Variants in CNTNAP2 observed in about 807,000 individuals in gnomAD.
The protein encoded by CNTNAP2 is contactin-associated protein-like 2.
A neutral mutation model predicts 155.2 loss-of-function variants in CNTNAP2; 98 were observed. That is an observed-to-expected ratio of 0.63 (90% CI 0.54 to 0.75). The LOEUF is 0.75. Ranked by LOEUF, CNTNAP2 falls within the 30% of genes least tolerant of loss-of-function variation. The pLI is 0.00. For synonymous variants in CNTNAP2, 651 were observed against 631.2 expected, an observed-to-expected ratio of 1.03 and a Z score of -0.47; for missense variants, 1,727 against 1,688.1, an observed-to-expected ratio of 1.02 and a Z score of -0.40.
intron 3 of CNTNAP2, among the ~76,000 whole-genome samples, chr7:146,908,739 G>A (rs1263444601): frequency 7.2e-6 from 1 of 138,678 alleles, no homozygotes; most frequent in African/African-American, 2.7e-5. Context: ...ACAGTTAAAA[G>A]AACTAGAAAA....
At chr7:146,782,207 A>T (rs1434742159) in intron 2 of CNTNAP2, 1 of 152,134 alleles carries the variant, frequency 6.6e-6, no homozygotes, top group South Asian at 2.1e-4. Context: ...TCTCACTCAC[A>T]GGTAATTCAT....
intron 21 of CNTNAP2, among the ~76,000 whole-genome samples, chr7:148,270,205 A>C (rs918212291): frequency 3.9e-5 from 6 of 152,192 alleles, no homozygotes; most frequent in African/African-American, 1.4e-4. Flanking sequence ...ATTTTCTACA[A>C]CTAAGAATGT....
intron 1 of CNTNAP2, among the ~76,000 whole-genome samples, chr7:146,489,373 G>T (rs779439963): frequency 1.3e-5 from 2 of 152,130 alleles, no homozygotes; most frequent in Non-Finnish European, 2.9e-5. Flanking sequence ...TTTTTAACTT[G>T]TCTAATTGAA....
chr7:147,402,952 GAA>G (rs201092537), intron 10 of CNTNAP2, among the ~76,000 whole-genome samples: 107 of 94,826 alleles, frequency 1.1e-3, no homozygotes, highest in East Asian at 5.7e-3. Flanking sequence ...AAATAATCCT[GAA>G]AAAAAAAAAA....
chr7:146,664,400 A>G (rs767170315), intron 1 of CNTNAP2, among the ~76,000 whole-genome samples: 5 of 151,864 alleles, frequency 3.3e-5, no homozygotes, highest in Non-Finnish European at 7.4e-5. Context: ...ACCTTAAACA[A>G]TCTGCCCATC....
intron 1 of CNTNAP2, among the ~76,000 whole-genome samples, chr7:146,435,476 A>C (rs1796230334): frequency 6.6e-6 from 1 of 152,220 alleles, no homozygotes; most frequent in Non-Finnish European, 1.5e-5. Flanking sequence ...TTGTACGAAC[A>C]AATGATATGA....
intron 9 of CNTNAP2, among the ~76,000 whole-genome samples, chr7:147,304,437 C>T (rs1225643465): frequency 2.0e-5 from 3 of 152,138 alleles, no homozygotes; most frequent in Non-Finnish European, 4.4e-5. Context: ...GGCCGGAATC[C>T]ATGGCTATGA....
rs79856443 is a variant in CNTNAP2 at position 147,386,418 on chromosome 7, T to A, written c.1499-9191T>A. ...CGTTTCCCTTTAAAAGCTGAATGCC[T>A]TTAACAGCACGCATTCACCCCTCAA... On this transcript the variant is annotated intron_variant, in intron 9 of 23. Transcript: ENST00000361727. 7.6e-3 allele frequency among the ~76,000 whole-genome samples: 1,161 copies of A among 152,306 alleles called. 16 individuals carry two copies. Among genetic ancestry groups the A allele is most frequent in the African/African-American group, 0.027 (1,107 of 41,560 alleles).
chr7:146,984,517 A>C (rs1325803259), intron 3 of CNTNAP2, among the ~76,000 whole-genome samples: 1 of 151,592 alleles, frequency 6.6e-6, no homozygotes, highest in Non-Finnish European at 1.5e-5. Context: ...CCTTGGTGTG[A>C]AGAATGGCTG....
chr7:146,495,405 G>T (rs1457116072), intron 1 of CNTNAP2, among the ~76,000 whole-genome samples: 1 of 152,148 alleles, frequency 6.6e-6, no homozygotes, highest in Non-Finnish European at 1.5e-5. Flanking sequence ...CAGGGGAATT[G>T]TTTGTGTCTA....
At chr7:146,911,076 CAG>C (rs1796264660) in intron 3 of CNTNAP2, among the ~76,000 whole-genome samples, 1 of 152,030 alleles carries the variant, frequency 6.6e-6, no homozygotes, top group South Asian at 2.1e-4. Context: ...CACTGGCCAT[CAG>C]AGAAATGCAA....
chr7:147,957,036 A>G (rs1430018496), intron 14 of CNTNAP2, among the ~76,000 whole-genome samples: 2 of 152,212 alleles, frequency 1.3e-5, no homozygotes, highest in Non-Finnish European at 2.9e-5. Context: ...AACATCTGGC[A>G]TTCCCAGAGT....
At chr7:146,740,286 T>A (rs1479260230) in intron 1 of CNTNAP2, among the ~76,000 whole-genome samples, 1 of 151,030 alleles carries the variant, frequency 6.6e-6, no homozygotes, top group East Asian at 1.9e-4. Flanking sequence ...GCTCCAGGAT[T>A]TCTGTTTTTT....
At chr7:147,433,898 A>G (rs1454216554) in intron 10 of CNTNAP2, among the ~76,000 whole-genome samples, 1 of 152,228 alleles carries the variant, frequency 6.6e-6, no homozygotes, top group East Asian at 1.9e-4. Context: ...ATGTCTTAGA[A>G]CAATGAAATT....
intron 1 of CNTNAP2, among the ~76,000 whole-genome samples, chr7:146,471,455 A>C (rs1193963057): frequency 1.3e-5 from 2 of 152,246 alleles, no homozygotes; most frequent in Non-Finnish European, 2.9e-5. Context: ...CAATGGAGAA[A>C]TAGCTGCTGG....
At chr7:147,848,640 A>G (rs117690363) in intron 13 of CNTNAP2, among the ~76,000 whole-genome samples, 4,945 of 152,296 alleles carry the variant, frequency 0.032, 136 homozygotes, top group Non-Finnish European at 0.052. Context: ...TTGCATTTCA[A>G]GTATCTTTTT....
chr7:146,492,251 G>C (rs140835314), intron 1 of CNTNAP2, among the ~76,000 whole-genome samples: 1,790 of 151,986 alleles, frequency 0.012, 25 homozygotes, highest in Non-Finnish European at 0.017. Flanking sequence ...GAGAGAGAGA[G>C]AGAGAGACAG....
At chr7:148,386,991 G>A (rs754212990) in intron 22 of CNTNAP2, among the ~76,000 whole-genome samples, 2 of 152,202 alleles carry the variant, frequency 1.3e-5, no homozygotes, top group Non-Finnish European at 2.9e-5. Context: ...AGGCCTGAGT[G>A]ATCTCTGTAT....
At chr7:147,761,879 A>T (rs534036107) in intron 13 of CNTNAP2, among the ~76,000 whole-genome samples, 2 of 152,178 alleles carry the variant, frequency 1.3e-5, no homozygotes, top group Non-Finnish European at 2.9e-5. Context: ...TCTTCAGTCA[A>T]GCACCAAATA....
Sources: gnomAD v4.1 joint callset for allele counts (sites outside exome capture counted in the v4.1 genomes callset) on GRCh38, gnomAD v4.1.1 for gene constraint, MANE v1.5 for transcripts, NCBI Gene and HGNC (gene_info 2026-07-23, HGNC 2026-07-21) for gene names.